PHLDB2: variants seen among roughly 807,000 people sequenced by gnomAD.
PHLDB2 encodes pleckstrin homology-like domain family B member 2.
A neutral mutation model predicts 123.6 loss-of-function variants in PHLDB2; 71 were observed. That is an observed-to-expected ratio of 0.57 (90% CI 0.47 to 0.70). The LOEUF is 0.70. Among genes scored for constraint, PHLDB2 ranks in the 30% least tolerant of loss-of-function variants. PHLDB2 has a pLI of 0.00. For synonymous variants in PHLDB2, 547 were observed against 541.6 expected, an observed-to-expected ratio of 1.01 and a Z score of -0.14; for missense variants, 1,446 against 1,519.5, an observed-to-expected ratio of 0.95 and a Z score of 0.80.
chr3:111,899,898 C>T (rs536873664), intron 2 of PHLDB2, among the ~76,000 whole-genome samples: 2 of 152,266 alleles, frequency 1.3e-5, no homozygotes, highest in South Asian at 4.1e-4. Flanking sequence ...GAGCCACTGG[C>T]CCAGCTGAAA....
chr3:111,762,552 A>C (rs1041115436), intron 1 of PHLDB2, among the ~76,000 whole-genome samples: 2 of 152,136 alleles, frequency 1.3e-5, no homozygotes, highest in African/African-American at 4.8e-5. Flanking sequence ...ACAGGCCTCT[A>C]AGTGTGATCT....
At chr3:111,759,464 G>C (rs751337399) in intron 1 of PHLDB2, among the ~76,000 whole-genome samples, 1 of 152,122 alleles carries the variant, frequency 6.6e-6, no homozygotes, top group African/African-American at 2.4e-5. Context: ...GAATTTTGAG[G>C]AGACACCAAC....
intron 1 of PHLDB2, among the ~76,000 whole-genome samples, chr3:111,869,705 CTGTGTGTG>C (rs756821881): frequency 4.0e-5 from 1 of 25,200 alleles, no homozygotes; most frequent in African/African-American, 5.0e-5. Context: ...GTGTCTGTCT[CTGTGTGTG>C]TGTGTGTGTG....
chr3:111,739,868 G>C (rs984825776), intron 1 of PHLDB2, among the ~76,000 whole-genome samples: 2 of 152,080 alleles, frequency 1.3e-5, no homozygotes, highest in African/African-American at 2.4e-5. Flanking sequence ...TTTTTAAGAG[G>C]AAGTCTGGTT....
chr3:111,812,421 A>G (rs1385753922), intron 1 of PHLDB2, among the ~76,000 whole-genome samples: 5 of 152,230 alleles, frequency 3.3e-5, no homozygotes, highest in Non-Finnish European at 7.3e-5. Context: ...TGATGTCTGA[A>G]TTAGCAAATG....
chr3:111,879,953 A>G (rs910700186), intron 1 of PHLDB2, among the ~76,000 whole-genome samples: 8 of 147,494 alleles, frequency 5.4e-5, no homozygotes, highest in Non-Finnish European at 1.0e-4. Context: ...AATTTCCTCA[A>G]GACCCATATC....
At chr3:111,893,835 C>T (rs1403550488) in intron 2 of PHLDB2, among the ~76,000 whole-genome samples, 1 of 149,132 alleles carries the variant, frequency 6.7e-6, no homozygotes, top group Non-Finnish European at 1.5e-5. Context: ...GCTACCCACT[C>T]CCTAAATTAG....
Position 111,913,641 on chromosome 3 carries a change from C to G in PHLDB2, c.1658C>G (p.Pro553Arg). 10 of 1,613,928 alleles carry G rather than the reference C, an allele frequency of 6.2e-6. No individual in the cohort carries two copies. The highest frequency in any genetic ancestry group is 1.6e-4 in the Middle Eastern group (1 of 6,062). ...AGTGACCTCACCCGGACTCCTCCAC[C>G]ACCATCCTCCACCTTTCCGAAAGCT... ...LLSDLTRTPPPPSSTFPKASS... is the reference protein window; with the variant it reads ...LLSDLTRTPPRPSSTFPKASS... The change falls in exon 3 of 18, where the codon CCA becomes CGA. Residue 553 changes from proline (P) to arginine (R), a missense_variant. Pro to Arg is a moderately radical substitution (Grantham distance 103). Coordinates refer to ENST00000431670, the MANE Select transcript of PHLDB2 (RefSeq NM_001134438.2).
intron 1 of PHLDB2, among the ~76,000 whole-genome samples, chr3:111,798,208 GC>G (rs1454783082): frequency 6.6e-6 from 1 of 151,818 alleles, no homozygotes; most frequent in Non-Finnish European, 1.5e-5. Context: ...TAAGACCTTG[GC>G]CTTTATAATT....
At chr3:111,781,202 T>G (rs958504118) in intron 1 of PHLDB2, among the ~76,000 whole-genome samples, 1 of 152,048 alleles carries the variant, frequency 6.6e-6, no homozygotes. Flanking sequence ...AAAACATAAC[T>G]TCTTTACTTA....
At chr3:111,969,995 A>T (rs1042715845) in intron 16 of PHLDB2, 86 bp downstream of exon 16, 5 of 1,271,244 alleles carry the variant, frequency 3.9e-6, no homozygotes, top group Non-Finnish European at 4.5e-6. Flanking sequence ...CAGTGTAAAT[A>T]GGTAGGTTGA....
chr3:111,851,511 C>T (rs2064255261), intron 2 of PHLDB2, among the ~76,000 whole-genome samples: 2 of 152,082 alleles, frequency 1.3e-5, no homozygotes, highest in African/African-American at 4.8e-5. Context: ...TAATTGTGGC[C>T]CTAATGAATA....
At chr3:111,908,729 C>CT (rs2067698723) in intron 2 of PHLDB2, among the ~76,000 whole-genome samples, 1 of 152,216 alleles carries the variant, frequency 6.6e-6, no homozygotes, top group South Asian at 2.1e-4. Context: ...AGCCCAGTTA[C>CT]TACCCTCAAG....
intron 5 of PHLDB2, among the ~76,000 whole-genome samples, chr3:111,923,089 C>G (rs947719313): frequency 1.4e-4 from 22 of 152,318 alleles, no homozygotes; most frequent in African/African-American, 5.3e-4. Flanking sequence ...TTCATCATAG[C>G]TAAACTTATT....
chr3:111,885,996 A>C (rs1199586881), intron 2 of PHLDB2, among the ~76,000 whole-genome samples: 3 of 152,236 alleles, frequency 2.0e-5, no homozygotes, highest in Non-Finnish European at 4.4e-5. Context: ...AGATCTATTG[A>C]GTTGTCTTTT....
At position 111,949,091 on chromosome 3, in the gene PHLDB2, G is replaced by A. The variant is rs370523905; in HGVS notation, c.2631+16G>A. ...GAGTAAAGAGGTGTGTAGGCATGAC[G>A]TTTCATTCATTCACTGCTTTTCTTC... On this transcript the variant is annotated intron_variant, in intron 10 of 17. Transcript: ENST00000431670. 161 of 1,611,836 alleles carry A rather than the reference G, an allele frequency of 1.0e-4. No homozygotes were observed. The highest frequency in any genetic ancestry group is 1.3e-4 in the Non-Finnish European group (148 of 1,179,300).
intron 15 of PHLDB2, among the ~76,000 whole-genome samples, chr3:111,968,491 T>A (rs2071951807): frequency 6.6e-6 from 1 of 152,250 alleles, no homozygotes; most frequent in Non-Finnish European, 1.5e-5. Context: ...TATAGCTGCT[T>A]ACATAATATG....
intron 1 of PHLDB2, among the ~76,000 whole-genome samples, chr3:111,869,016 T>A (rs1047986778): frequency 5.3e-5 from 8 of 152,246 alleles, no homozygotes; most frequent in African/African-American, 1.9e-4. Context: ...CTATAAGATT[T>A]CTAACAATTC....
At position 111,885,093 on chromosome 3, in the gene PHLDB2, G is replaced by T; in HGVS notation, c.1016G>T (p.Arg339Leu). 6.2e-7 allele frequency: 1 copy of T among 1,614,008 alleles called. No individual in the cohort carries two copies. The highest frequency in any genetic ancestry group is 8.5e-7 in the Non-Finnish European group (1 of 1,180,008). ...LSVPASPRVARKMLLASTSSC... is the reference protein window; with the variant it reads ...LSVPASPRVALKMLLASTSSC... ...GTCCCTGCCAGTCCACGAGTGGCTC[G>T]GAAGATGCTTCTGGCCTCCACCTCC... Residue 339 changes from arginine (R) to leucine (L), a missense_variant, in exon 2 of 18, where the codon CGG becomes CTG. Physicochemically the swap from Arg to Leu is moderately radical, Grantham distance 102. Transcript: ENST00000431670.
Sources: gnomAD v4.1 joint callset for allele counts (sites outside exome capture counted in the v4.1 genomes callset) on GRCh38, gnomAD v4.1.1 for gene constraint, MANE v1.5 for transcripts, NCBI Gene and HGNC (gene_info 2026-07-23, HGNC 2026-07-21) for gene names.